The following IQGAP2 variants were observed in gnomAD, a reference collection of about 807,000 sequenced individuals.
IQGAP2 encodes the protein ras GTPase-activating-like protein IQGAP2.
A neutral mutation model predicts 201.3 loss-of-function variants in IQGAP2; 173 were observed. The observed-to-expected ratio is 0.86, with a 90% CI of 0.76 to 0.98. IQGAP2 has a LOEUF of 0.98. Among genes scored for constraint, IQGAP2 ranks in the 50% least tolerant of loss-of-function variants. IQGAP2 has a pLI of 0.00. For synonymous variants in IQGAP2, 675 were observed against 673.9 expected, an observed-to-expected ratio of 1.00 and a Z score of -0.03; for missense variants, 1,687 against 1,864.8, an observed-to-expected ratio of 0.90 and a Z score of 1.76.
chr5:76,648,831 A>G (rs574837973), intron 17 of IQGAP2, among the ~76,000 whole-genome samples: 130 of 147,032 alleles, frequency 8.8e-4, no homozygotes, highest in African/African-American at 2.0e-3. Context: ...ACTAGAGACT[A>G]TAACAACAGA....
Position 76,700,823 on chromosome 5 carries a change from A to C in IQGAP2, c.4368-253A>C, listed in dbSNP as rs558343461. On this transcript the variant is annotated intron_variant, in intron 33 of 35. Coordinates refer to ENST00000274364, the MANE Select transcript of IQGAP2 (RefSeq NM_006633.5). ...CAATATACCTGAGAAAATAGAGTGT[A>C]AGTTTTATTAAAAATGTTAGTCTGT... 2.0e-5 allele frequency among the ~76,000 whole-genome samples: 3 copies of C among 152,378 alleles called. No homozygotes were observed. The South Asian group carries it at 6.2e-4, about 32-fold the overall frequency.
intron 2 of IQGAP2, among the ~76,000 whole-genome samples, chr5:76,503,177 T>TTC (rs1272535922): frequency 1.8e-4 from 26 of 144,064 alleles, no homozygotes; most frequent in Non-Finnish European, 3.6e-4. Flanking sequence ...TTCTTTTCTT[T>TTC]TTTTTTTTTT....
intron 33 of IQGAP2, among the ~76,000 whole-genome samples, chr5:76,700,752 T>TCTAGGAA (rs1290956954): frequency 6.6e-6 from 1 of 152,228 alleles, no homozygotes; most frequent in Non-Finnish European, 1.5e-5. Context: ...GTTCATGTTA[T>TCTAGGAA]TGCACCAAAG....
chr5:76,411,145 C>A (rs546913902), intron 1 of IQGAP2, among the ~76,000 whole-genome samples: 126 of 152,212 alleles, frequency 8.3e-4, no homozygotes, highest in African/African-American at 2.9e-3. Context: ...TTTTAATAGG[C>A]CCTCCAGGTG....
chr5:76,686,352 G>A (rs912614400), intron 30 of IQGAP2, among the ~76,000 whole-genome samples: 1 of 139,662 alleles, frequency 7.2e-6, no homozygotes, highest in Non-Finnish European at 1.5e-5. Context: ...TGTTGTTGTT[G>A]TTGTTGTTGT....
intron 2 of IQGAP2, among the ~76,000 whole-genome samples, chr5:76,471,377 A>AAAC (rs1561396550): frequency 3.1e-4 from 17 of 54,124 alleles, no homozygotes; most frequent in Admixed American, 1.1e-3. Flanking sequence ...AAAAAAAAAA[A>AAAC]AAAAAAAAAC....
intron 28 of IQGAP2, among the ~76,000 whole-genome samples, chr5:76,681,080 A>C (rs1391267385): frequency 8.3e-6 from 1 of 120,512 alleles, no homozygotes; most frequent in Non-Finnish European, 1.7e-5. Context: ...GCAGAGCGAG[A>C]CTTTGTCTCA....
At chr5:76,442,573 G>A (rs1309626203) in intron 1 of IQGAP2, among the ~76,000 whole-genome samples, 11 of 152,176 alleles carry the variant, frequency 7.2e-5, no homozygotes, top group Non-Finnish European at 1.0e-4. Context: ...CTGGTCACTC[G>A]TGCTACCTTG....
intron 3 of IQGAP2, among the ~76,000 whole-genome samples, chr5:76,569,410 A>T (rs745764173): frequency 6.0e-5 from 9 of 149,264 alleles, no homozygotes; most frequent in Non-Finnish European, 8.9e-5. Flanking sequence ...AGTCTATTAA[A>T]ATAAAGCTGT....
intron 2 of IQGAP2, among the ~76,000 whole-genome samples, chr5:76,510,271 A>T (rs1275889076): frequency 1.3e-5 from 2 of 152,216 alleles, no homozygotes; most frequent in Admixed American, 1.3e-4. Context: ...AAATGCTGGA[A>T]TTATAGGCAT....
chr5:76,551,017 TG>T (rs1394444806), intron 2 of IQGAP2, among the ~76,000 whole-genome samples: 1 of 148,942 alleles, frequency 6.7e-6, no homozygotes, highest in Non-Finnish European at 1.5e-5. Flanking sequence ...CGGGGGTGGC[TG>T]GCCGGGCAGA....
chr5:76,423,565 G>T (rs1295789868), intron 1 of IQGAP2, among the ~76,000 whole-genome samples: 6 of 152,230 alleles, frequency 3.9e-5, no homozygotes, highest in African/African-American at 1.4e-4. Context: ...AGTTTGCAGT[G>T]AGCTGAGATC....
At chr5:76,548,964 G>A (rs1700507402) in intron 2 of IQGAP2, among the ~76,000 whole-genome samples, 1 of 152,176 alleles carries the variant, frequency 6.6e-6, no homozygotes, top group Non-Finnish European at 1.5e-5. Flanking sequence ...GGGAGAAGAA[G>A]GCATGTTTGA....
intron 2 of IQGAP2, among the ~76,000 whole-genome samples, chr5:76,503,041 C>T (rs146592702): frequency 0.015 from 2,337 of 152,006 alleles, 33 homozygotes; most frequent in Non-Finnish European, 0.021. Flanking sequence ...ACACCATGCC[C>T]GACCTCCAAA....
At chr5:76,474,524 C>T (rs1755297321) in intron 2 of IQGAP2, among the ~76,000 whole-genome samples, 1 of 152,150 alleles carries the variant, frequency 6.6e-6, no homozygotes, top group Non-Finnish European at 1.5e-5. Flanking sequence ...GTCATTTCTG[C>T]ACTCTGTACT....
intron 12 of IQGAP2, chr5:76,607,060 A>T (rs183593629): frequency 1.4e-4 from 21 of 152,204 alleles, no homozygotes; most frequent in Non-Finnish European, 2.9e-4. Flanking sequence ...AAAATCATTG[A>T]TCTCTCCTCC....
intron 4 of IQGAP2, among the ~76,000 whole-genome samples, chr5:76,572,998 TTTCTC>T (rs1170483081): frequency 2.6e-5 from 4 of 152,244 alleles, no homozygotes; most frequent in African/African-American, 7.2e-5. Context: ...ATCAAACTAT[TTTCTC>T]TTCTCCTAAA....
intron 2 of IQGAP2, among the ~76,000 whole-genome samples, chr5:76,543,850 G>T (rs1300743685): frequency 6.6e-6 from 1 of 152,110 alleles, no homozygotes; most frequent in Non-Finnish European, 1.5e-5. Flanking sequence ...TTGTCAGGTT[G>T]ACTTACATTT....
chr5:76,655,335 C>A (rs1262925724), intron 20 of IQGAP2, among the ~76,000 whole-genome samples: 1 of 151,902 alleles, frequency 6.6e-6, no homozygotes, highest in Non-Finnish European at 1.5e-5. Flanking sequence ...CAGAAAATAA[C>A]CTTATATTTA....
Sources: gnomAD v4.1 joint callset for allele counts (sites outside exome capture counted in the v4.1 genomes callset) on GRCh38, gnomAD v4.1.1 for gene constraint, MANE v1.5 for transcripts, NCBI Gene and HGNC (gene_info 2026-07-23, HGNC 2026-07-21) for gene names.